PARD3B: variants seen among roughly 807,000 people sequenced by gnomAD.
The protein encoded by PARD3B is par-3 family cell polarity regulator beta.
PARD3B carries 103 observed loss-of-function variants against 130.2 expected under a neutral mutation model. That is an observed-to-expected ratio of 0.79 (90% confidence interval 0.67 to 0.93). PARD3B has a LOEUF of 0.93. PARD3B is among the 40% of genes least tolerant of loss of function. PARD3B has a pLI of 0.00. For synonymous variants in PARD3B, 583 were observed against 553.2 expected, an observed-to-expected ratio of 1.05 and a Z score of -0.76; for missense variants, 1,609 against 1,499.2, an observed-to-expected ratio of 1.07 and a Z score of -1.21.
chr2:204,739,508 G>A (rs778417841), intron 2 of PARD3B, among the ~76,000 whole-genome samples: 12 of 152,056 alleles, frequency 7.9e-5, no homozygotes, highest in Non-Finnish European at 1.5e-4. Flanking sequence ...AGGCTGGAGC[G>A]CAGTGGTACA....
chr2:205,470,078 T>C lies in PARD3B; in HGVS notation c.3044+29406T>C, dbSNP rs2048772555. On this transcript the variant is annotated intron_variant, in intron 20 of 22. Transcript: ENST00000406610. The surrounding 1 kb of genome is among the most constrained non-coding windows in gnomAD (Gnocchi z 4.8). Reference sequence around the variant, plus strand: ...TGGAGATGTCAGGTGAGTCACTTAATGTCTGTGTGCATCTTTCCTCACCTA... The same window carrying C: ...TGGAGATGTCAGGTGAGTCACTTAACGTCTGTGTGCATCTTTCCTCACCTA... Among the ~76,000 whole-genome samples the C allele has an allele frequency of 6.6e-6, 1 of 152,254 alleles. No individual in the cohort carries two copies.
chr2:204,578,974 A>G (rs942631272), intron 1 of PARD3B, among the ~76,000 whole-genome samples: 1 of 152,048 alleles, frequency 6.6e-6, no homozygotes, highest in Non-Finnish European at 1.5e-5. Context: ...GAGGGGAACC[A>G]GGAGAGGGAG....
chr2:205,092,454 T>G (rs1408770097), intron 4 of PARD3B, among the ~76,000 whole-genome samples: 1 of 152,108 alleles, frequency 6.6e-6, no homozygotes, highest in African/African-American at 2.4e-5. Context: ...AGGAAGTTCT[T>G]GAGCTTATGA....
chr2:205,447,610 C>G (rs1031939093), intron 20 of PARD3B, among the ~76,000 whole-genome samples: 2 of 152,166 alleles, frequency 1.3e-5, no homozygotes, highest in Non-Finnish European at 2.9e-5. Flanking sequence ...AACTCCTGAC[C>G]TCATGATCTG....
At chr2:204,734,404 A>G (rs2039653692) in intron 2 of PARD3B, among the ~76,000 whole-genome samples, 1 of 152,208 alleles carries the variant, frequency 6.6e-6, no homozygotes, top group South Asian at 2.1e-4. Flanking sequence ...GTTCTTAAGT[A>G]TCTACTTAAA....
intron 11 of PARD3B, among the ~76,000 whole-genome samples, chr2:205,164,699 G>T (rs16837060): frequency 0.13 from 19,343 of 151,832 alleles, 1,276 homozygotes; most frequent in Non-Finnish European, 0.12. Context: ...AATGAAAAAG[G>T]AAATTATAAT....
intron 22 of PARD3B, among the ~76,000 whole-genome samples, chr2:205,612,950 G>A (rs1446170200): frequency 1.3e-5 from 2 of 152,104 alleles, no homozygotes; most frequent in East Asian, 1.9e-4. Context: ...CCATGTGCTC[G>A]CCGACTGTAC....
At chr2:204,736,304 G>A (rs2039747184) in intron 2 of PARD3B, among the ~76,000 whole-genome samples, 1 of 151,848 alleles carries the variant, frequency 6.6e-6, no homozygotes, top group Non-Finnish European at 1.5e-5. Flanking sequence ...TAGCATTTGG[G>A]GTACAGTGCT....
At chr2:204,972,712 C>T (rs1352940258) in intron 3 of PARD3B, among the ~76,000 whole-genome samples, 2 of 152,030 alleles carry the variant, frequency 1.3e-5, no homozygotes, top group African/African-American at 4.8e-5. Context: ...GATTATGTGA[C>T]CTCTAAAAAA....
rs1701229703 is a variant in PARD3B, at chr2:205,078,889, G to A, written c.505-25537G>A. Among the ~76,000 whole-genome samples the A allele has an allele frequency of 6.6e-6, 1 of 152,200 alleles. No homozygotes were observed. The highest frequency in any genetic ancestry group is 6.5e-5 in the Admixed American group (1 of 15,288). On this transcript the variant is annotated intron_variant, in intron 4 of 22. Transcript: ENST00000406610. This position sits in a 1 kb window ranked among gnomAD's most constrained non-coding sequence, Gnocchi z 4.0. ...TGTAGGCAATCTAGTTGGCAGCCAT[G>A]GCAGATCTCCCAGCTTCCAGCTCGC... is the stretch of plus-strand genomic sequence containing the variant.
rs2125715258 is a variant in PARD3B, at chr2:204,906,662, A to G, written c.223-58490A>G. ...GACAGATATATTAGCAGCCTAACTA[A>G]TATTTGTAAAAAGAGTGAGTTCAAA... On this transcript the variant is annotated intron_variant, in intron 2 of 22. Coordinates refer to ENST00000406610, the MANE Select transcript of PARD3B (RefSeq NM_001302769.2). The surrounding 1 kb of genome is among the most constrained non-coding windows in gnomAD (Gnocchi z 4.3). Among the ~76,000 whole-genome samples, 1 of 152,358 alleles carries G rather than the reference A, an allele frequency of 6.6e-6. No homozygotes were observed.
At chr2:205,036,363 ATAT>A (rs1181884674) in intron 3 of PARD3B, among the ~76,000 whole-genome samples, 1 of 134,964 alleles carries the variant, frequency 7.4e-6, no homozygotes, top group African/African-American at 2.7e-5. Context: ...TGGGCTATAT[ATAT>A]AAAATATATA....
intron 22 of PARD3B, among the ~76,000 whole-genome samples, chr2:205,613,492 T>C (rs1272648744): frequency 6.6e-6 from 1 of 152,168 alleles, no homozygotes; most frequent in Non-Finnish European, 1.5e-5. Context: ...AATGAAATTC[T>C]AAAGAAAGGG....
intron 1 of PARD3B, among the ~76,000 whole-genome samples, chr2:204,615,819 T>C (rs1424446926): frequency 6.6e-6 from 1 of 152,142 alleles, no homozygotes; most frequent in Admixed American, 6.6e-5. Flanking sequence ...GTAACTCTCA[T>C]ACTTTGGAAT....
chr2:204,766,987 TTTTA>T, intron 2 of PARD3B, among the ~76,000 whole-genome samples: 1 of 95,518 alleles, frequency 1.0e-5, no homozygotes, highest in South Asian at 4.5e-4. Flanking sequence ...TTTTCACATT[TTTTA>T]TTTTATTTTT....
intron 18 of PARD3B, among the ~76,000 whole-genome samples, chr2:205,310,242 G>A (rs985176858): frequency 3.3e-5 from 5 of 151,442 alleles, no homozygotes; most frequent in South Asian, 2.1e-4. Flanking sequence ...CCACCACCAC[G>A]CCCAGCTAAT....
chr2:204,548,456 A>G (rs568653492), intron 1 of PARD3B, among the ~76,000 whole-genome samples: 1 of 152,340 alleles, frequency 6.6e-6, no homozygotes, highest in Non-Finnish European at 1.5e-5. Context: ...AATCAGGGGA[A>G]AAAGAGACAC....
intron 12 of PARD3B, among the ~76,000 whole-genome samples, chr2:205,174,980 T>C (rs7587983): frequency 0.36 from 54,132 of 152,072 alleles, 9,892 homozygotes; most frequent in Middle Eastern, 0.49. Flanking sequence ...TATGACCTGA[T>C]TTTGTTTTTC....
chr2:205,030,847 C>T lies in PARD3B; in HGVS notation c.395-16734C>T, dbSNP rs189030611. Among the ~76,000 whole-genome samples, 11 of 152,190 alleles carry T rather than the reference C, an allele frequency of 7.2e-5. No homozygotes were observed. In the East Asian group the frequency reaches 1.9e-3, roughly 27 times the overall value. ...TTTGTAATGTGACCTTGCTGTTCCT[C>T]CTGTCCAGAGGGGGGTCTGTTTACC... is the stretch of plus-strand genomic sequence containing the variant. On this transcript the variant is annotated intron_variant, in intron 3 of 22. Coordinates refer to ENST00000406610, the MANE Select transcript of PARD3B (RefSeq NM_001302769.2).
Sources: allele counts gnomAD v4.1 joint callset (sites outside exome capture counted in the v4.1 genomes callset), GRCh38; gene constraint gnomAD v4.1.1; non-coding constraint Gnocchi (gnomAD v3.1); transcripts MANE v1.5; gene names NCBI Gene and HGNC (gene_info 2026-07-23, HGNC 2026-07-21).